The following MAP2K1 variants were observed in gnomAD, a reference collection of about 807,000 sequenced individuals.
The protein encoded by MAP2K1 is dual specificity mitogen-activated protein kinase kinase 1.
MAP2K1 carries 16 observed loss-of-function variants against 46.3 expected under a neutral mutation model. The ratio of observed to expected loss-of-function variants is 0.35; its 90% CI spans 0.23 to 0.52. The LOEUF is 0.52. Among genes scored for constraint, MAP2K1 ranks in the 20% least tolerant of loss-of-function variants. The probability of loss-of-function intolerance (pLI) is 0.94; values close to 1 mark genes in which losing one functional copy is unlikely to be tolerated. For synonymous variants in MAP2K1, 183 were observed against 185.6 expected, an observed-to-expected ratio of 0.99 and a Z score of 0.11; for missense variants, 263 against 497.1, an observed-to-expected ratio of 0.53 and a Z score of 4.48.
At chr15:66,454,760 G>C (rs1400568436) in intron 5 of MAP2K1, among the ~76,000 whole-genome samples, 1 of 152,072 alleles carries the variant, frequency 6.6e-6, no homozygotes, top group Non-Finnish European at 1.5e-5. Flanking sequence ...CCGTGCGCCT[G>C]TAATCCCAGC....
chr15:66,442,154 C>G (rs1298114467), intron 3 of MAP2K1, among the ~76,000 whole-genome samples: 1 of 152,204 alleles, frequency 6.6e-6, no homozygotes, highest in African/African-American at 2.4e-5. Context: ...TTACCAGTCT[C>G]TCTGCCTCCA....
At chr15:66,412,916 GAC>G in intron 1 of MAP2K1, among the ~76,000 whole-genome samples, 1 of 151,520 alleles carries the variant, frequency 6.6e-6, no homozygotes, top group East Asian at 1.9e-4. Context: ...ATTATTTTTT[GAC>G]ACAGTCTCTC....
chr15:66,464,523 T>G (rs1892413170), intron 5 of MAP2K1, among the ~76,000 whole-genome samples: 2 of 151,876 alleles, frequency 1.3e-5, no homozygotes, highest in Admixed American at 6.6e-5. Flanking sequence ...GAAAACATTG[T>G]TTTTTTTGTT....
chr15:66,483,144 T>TTGCACAGCACACCCTC (rs1892952246), intron 6 of MAP2K1, among the ~76,000 whole-genome samples: 1 of 152,192 alleles, frequency 6.6e-6, no homozygotes, highest in Non-Finnish European at 1.5e-5. Flanking sequence ...CAGACGCCCT[T>TTGCACAGCACACCCTC]TGCACAGCAC....
At chr15:66,387,467 G>C in intron 1 of MAP2K1, 40 bp downstream of exon 1, 1 of 1,541,688 alleles carries the variant, frequency 6.5e-7, no homozygotes, top group Non-Finnish European at 8.8e-7. Flanking sequence ...GGCCCGGCTG[G>C]GGAGGCCCGA....
rs769639468 is a variant in MAP2K1 at position 66,429,674 on chromosome 15, C to CTT, written c.81-5353_81-5352insTT. 1.7e-4 allele frequency among the ~76,000 whole-genome samples: 7 copies of CTT among 40,126 alleles called. 2 individuals are homozygous for CTT. The South Asian group carries it at 3.7e-3, about 21-fold the overall frequency. The allele number at this position is 40,126 out of a possible 152,430, so 26.3% of individuals were successfully genotyped here. On this transcript the variant is annotated intron_variant, in intron 1 of 10. Coordinates refer to ENST00000307102, the MANE Select transcript of MAP2K1 (RefSeq NM_002755.4). ...GGTCTGCACTGCGGCGCCCCCCCCC[C>CTT]CCCCGTCCCCCCCAACACAGATGGG...
chr15:66,401,836 C>G (rs746805047), intron 1 of MAP2K1: 1 of 558,634 alleles, frequency 1.8e-6, no homozygotes, highest in African/African-American at 1.9e-5. Context: ...GAAGAGAGCA[C>G]GGGATGAGCA....
chr15:66,465,819 TTATTTC>T (rs1280211786), intron 5 of MAP2K1, among the ~76,000 whole-genome samples: 1 of 152,244 alleles, frequency 6.6e-6, no homozygotes, highest in African/African-American at 2.4e-5. Flanking sequence ...CTTGGACAGA[TTATTTC>T]TATGAAGTAC....
intron 1 of MAP2K1, among the ~76,000 whole-genome samples, chr15:66,406,888 C>T (rs143426266): frequency 1.2e-3 from 184 of 152,084 alleles, no homozygotes; most frequent in Middle Eastern, 3.4e-3. Flanking sequence ...AAAAATTAGC[C>T]GGGCGTGGTG....
rs1182872246 is a variant in MAP2K1 at position 66,489,517 on chromosome 15, C to T, written c.1023-201C>T. On this transcript the variant is annotated intron_variant, in intron 9 of 10. Coordinates refer to ENST00000307102, the MANE Select transcript of MAP2K1 (RefSeq NM_002755.4). The stretch of plus-strand genomic sequence containing the variant: ...GGTACTTGCTCTCCAGGGATTGGCA[C>T]GTTGCTTTTTGACCTTAGTTTAACT... The T allele has an allele frequency of 3.9e-5, 26 of 671,910 alleles. No homozygotes were observed. The South Asian group carries it at 4.1e-4, about 11-fold the overall frequency. The allele number at this position is 671,910 out of a possible 1,614,324, so 41.6% of individuals were successfully genotyped here.
chr15:66,391,282 G>A (rs2093355612), intron 1 of MAP2K1, among the ~76,000 whole-genome samples: 1 of 152,116 alleles, frequency 6.6e-6, no homozygotes, highest in Non-Finnish European at 1.5e-5. Flanking sequence ...TAAACTTTAA[G>A]CACAGCACTG....
intron 1 of MAP2K1, among the ~76,000 whole-genome samples, chr15:66,415,983 G>A (rs2093423697): frequency 6.6e-6 from 1 of 152,124 alleles, no homozygotes. Context: ...AATTACAGAA[G>A]TCACCCTAGC....
Position 66,428,283 on chromosome 15 carries a change from T to C in MAP2K1, c.81-6744T>C, listed in dbSNP as rs938689119. Reference sequence around the variant, plus strand: ...AACAGCAGTTGTGCGTGTGTGTGTGTGTGTGTGTGTGTGTGTGTGTGTGTG... The same window carrying C: ...AACAGCAGTTGTGCGTGTGTGTGTGCGTGTGTGTGTGTGTGTGTGTGTGTG... On this transcript the variant is annotated intron_variant, in intron 1 of 10. Transcript: ENST00000307102. Among the ~76,000 whole-genome samples the C allele has an allele frequency of 1.2e-3, 102 of 82,206 alleles. No individual in the cohort carries two copies. In the East Asian group the frequency reaches 0.023, roughly 19 times the overall value. 53.9% of individuals were successfully genotyped at this position (82,206 alleles called of 152,430 possible).
chr15:66,402,021 A>T, intron 1 of MAP2K1: 1 of 1,329,088 alleles, frequency 7.5e-7, no homozygotes, highest in South Asian at 1.2e-5. Context: ...TTCCTTTCTG[A>T]TCATTTTAAA....
intron 7 of MAP2K1, among the ~76,000 whole-genome samples, chr15:66,486,864 T>G (rs1402468920): frequency 6.6e-6 from 1 of 152,178 alleles, no homozygotes; most frequent in Admixed American, 6.5e-5. Context: ...AAACGCAACT[T>G]CATGGAGAAT....
At position 66,490,847 on chromosome 15, in the gene MAP2K1, T is replaced by C. The variant is rs1893233370; in HGVS notation, c.*232T>C. The C allele has an allele frequency of 1.7e-6, 1 of 593,262 alleles. No individual in the cohort carries two copies. Among genetic ancestry groups the C allele is most frequent in the African/African-American group, 1.8e-5 (1 of 54,500 alleles). 36.7% of individuals were successfully genotyped at this position (593,262 alleles called of 1,614,324 possible). A position where few individuals can be genotyped will look rare whatever the true frequency, so the allele number is the denominator to read the frequency against. ...TTGGCTTTGTGCTTGGGGCTATTTG[T>C]GTGTATGCTGATGATCAAAACCTGT... is the stretch of plus-strand genomic sequence containing the variant. On this transcript the variant is annotated 3_prime_UTR_variant, in exon 11 of 11. Coordinates refer to ENST00000307102, the MANE Select transcript of MAP2K1 (RefSeq NM_002755.4).
chr15:66,479,544 C>A (rs999180462), intron 5 of MAP2K1, among the ~76,000 whole-genome samples: 1 of 152,192 alleles, frequency 6.6e-6, no homozygotes, highest in Non-Finnish European at 1.5e-5. Flanking sequence ...TGTTCCTTTA[C>A]TGAAGAGCCT....
At chr15:66,441,679 C>G (rs540005113) in intron 3 of MAP2K1, among the ~76,000 whole-genome samples, 2 of 151,832 alleles carry the variant, frequency 1.3e-5, no homozygotes, top group Admixed American at 6.6e-5. Context: ...AAATGCCTTA[C>G]CTCTTATGAA....
At chr15:66,408,434 C>T (rs766618559) in intron 1 of MAP2K1, among the ~76,000 whole-genome samples, 2 of 152,234 alleles carry the variant, frequency 1.3e-5, no homozygotes, top group African/African-American at 2.4e-5. Context: ...ATAGACTCCT[C>T]CCAGCTTCTC....
Sources: allele counts gnomAD v4.1 joint callset (sites outside exome capture counted in the v4.1 genomes callset), GRCh38; gene constraint gnomAD v4.1.1; transcripts MANE v1.5; gene names NCBI Gene and HGNC (gene_info 2026-07-23, HGNC 2026-07-21).